RGS6: variants seen among roughly 807,000 people sequenced by gnomAD.
RGS6 encodes the protein regulator of G-protein signaling 6.
RGS6 carries 30 observed loss-of-function variants against 78.5 expected under a neutral mutation model. The observed-to-expected ratio is 0.38, with a 90% CI of 0.29 to 0.52. The LOEUF (loss-of-function observed/expected upper bound fraction) is 0.52. Ranked by LOEUF, RGS6 falls within the 20% of genes least tolerant of loss-of-function variation. The pLI is 0.85. For synonymous variants in RGS6, 206 were observed against 206.0 expected, an observed-to-expected ratio of 1.00 and a Z score of 0.00; for missense variants, 495 against 609.7, an observed-to-expected ratio of 0.81 and a Z score of 1.98.
At chr14:72,091,683 C>G (rs532053001) in intron 2 of RGS6, among the ~76,000 whole-genome samples, 1 of 152,084 alleles carries the variant, frequency 6.6e-6, no homozygotes, top group African/African-American at 2.4e-5. Context: ...GTAAGCAGAA[C>G]GGAGAAGCTG....
At chr14:72,189,897 A>G (rs1390754442) in intron 2 of RGS6, among the ~76,000 whole-genome samples, 1 of 152,170 alleles carries the variant, frequency 6.6e-6, no homozygotes, top group Non-Finnish European at 1.5e-5. Flanking sequence ...TAACGGCTAC[A>G]TGGGATATAG....
chr14:72,054,088 C>T (rs1290837760), intron 2 of RGS6, among the ~76,000 whole-genome samples: 1 of 152,132 alleles, frequency 6.6e-6, no homozygotes, highest in East Asian at 1.9e-4. Flanking sequence ...GTGAAATAAT[C>T]CTTCCCTTTC....
chr14:72,422,540 A>G (rs894563721), intron 3 of RGS6, among the ~76,000 whole-genome samples: 4 of 152,112 alleles, frequency 2.6e-5, no homozygotes, highest in Non-Finnish European at 4.4e-5. Context: ...TTTGTTTTCC[A>G]GGAAAGCTCA....
chr14:71,874,469 T>C, the RGS6 span, among the ~76,000 whole-genome samples: 13 of 152,238 alleles, frequency 8.5e-5, no homozygotes, highest in African/African-American at 2.9e-4. Flanking sequence ...ATAGGAATGC[T>C]TGTGATTTTT....
chr14:72,082,193 A>G (rs962222632), intron 2 of RGS6, among the ~76,000 whole-genome samples: 3 of 152,080 alleles, frequency 2.0e-5, no homozygotes, highest in Non-Finnish European at 4.4e-5. Flanking sequence ...GAAGCATGTC[A>G]TTGGTATTGT....
intron 2 of RGS6, among the ~76,000 whole-genome samples, chr14:72,123,997 T>A (rs2096124033): frequency 6.6e-6 from 1 of 152,100 alleles, no homozygotes; most frequent in African/African-American, 2.4e-5. Context: ...AGTGACAGAG[T>A]ATTCGAAGTC....
At chr14:72,578,041 G>C in the RGS6 span, among the ~76,000 whole-genome samples, 2 of 152,210 alleles carry the variant, frequency 1.3e-5, no homozygotes, top group African/African-American at 4.8e-5. Context: ...CCAGCCCTTA[G>C]AGTAAGTGGC....
the RGS6 span, among the ~76,000 whole-genome samples, chr14:72,614,835 T>C: frequency 3.0e-3 from 432 of 143,522 alleles, 2 homozygotes; most frequent in African/African-American, 0.011. Context: ...TCCAGCTCCT[T>C]AGCTCGAGGA....
intron 2 of RGS6, among the ~76,000 whole-genome samples, chr14:71,987,977 C>G (rs1416762398): frequency 2.0e-5 from 3 of 152,152 alleles, no homozygotes; most frequent in Non-Finnish European, 4.4e-5. Flanking sequence ...GCTTGAGAGA[C>G]ATGTGCCAAT....
the RGS6 span, among the ~76,000 whole-genome samples, chr14:72,596,461 C>G: frequency 6.6e-6 from 1 of 152,164 alleles, no homozygotes; most frequent in Non-Finnish European, 1.5e-5. Flanking sequence ...AAACATCACA[C>G]GTTCTGAGGA....
chr14:72,272,469 T>C (rs1293522783), intron 2 of RGS6, among the ~76,000 whole-genome samples: 1 of 152,220 alleles, frequency 6.6e-6, no homozygotes, highest in Non-Finnish European at 1.5e-5. Context: ...TGTTCTCAAA[T>C]CCTCTTTCAT....
At chr14:71,927,405 G>A in the RGS6 span, among the ~76,000 whole-genome samples, 1 of 152,094 alleles carries the variant, frequency 6.6e-6, no homozygotes, top group East Asian at 1.9e-4. Flanking sequence ...TGCTAACACT[G>A]GAAACAGAAA....
chr14:72,197,338 T>A (rs755857445), intron 2 of RGS6, among the ~76,000 whole-genome samples: 42 of 152,218 alleles, frequency 2.8e-4, no homozygotes, highest in Non-Finnish European at 5.1e-4. Context: ...AGTGCTGGGA[T>A]TACAGGCATG....
At chr14:72,413,094 C>T (rs1003423230) in intron 3 of RGS6, among the ~76,000 whole-genome samples, 3 of 152,194 alleles carry the variant, frequency 2.0e-5, no homozygotes, top group Admixed American at 6.5e-5. Flanking sequence ...CCGCTTGGTG[C>T]AGACCTGAGT....
chr14:72,054,692 C>G (rs1347044261), intron 2 of RGS6, among the ~76,000 whole-genome samples: 1 of 152,164 alleles, frequency 6.6e-6, no homozygotes, highest in Non-Finnish European at 1.5e-5. Flanking sequence ...ATACCCCTAT[C>G]TCTGTAATTC....
chr14:72,192,980 G>GTTT (rs35795281), intron 2 of RGS6, among the ~76,000 whole-genome samples: 7 of 140,174 alleles, frequency 5.0e-5, no homozygotes, highest in East Asian at 4.2e-4. Context: ...GCTGGGTTGG[G>GTTT]TTTTTTTTTT....
chr14:72,527,900 A>G (rs2097137855), intron 15 of RGS6, among the ~76,000 whole-genome samples: 1 of 152,208 alleles, frequency 6.6e-6, no homozygotes, highest in Non-Finnish European at 1.5e-5. Flanking sequence ...GATGAGGCAC[A>G]CACACCTACA....
intron 3 of RGS6, among the ~76,000 whole-genome samples, chr14:72,412,640 G>T (rs558144119): frequency 6.6e-6 from 1 of 152,174 alleles, no homozygotes; most frequent in African/African-American, 2.4e-5. Flanking sequence ...TGCTTCTCTA[G>T]TTCTTTTAAT....
chr14:72,458,519 T>G, intron 5 of RGS6, 142 bp downstream of exon 5: 1 of 648,134 alleles, frequency 1.5e-6, no homozygotes, highest in Non-Finnish European at 2.6e-6. Context: ...CAAGAGAACT[T>G]TTCTCTGGGC....
Sources: gnomAD v4.1 joint callset for allele counts (sites outside exome capture counted in the v4.1 genomes callset) on GRCh38, gnomAD v4.1.1 for gene constraint, MANE v1.5 for transcripts, NCBI Gene and HGNC (gene_info 2026-07-23, HGNC 2026-07-21) for gene names.